PNISR: variants seen among roughly 807,000 people sequenced by gnomAD.
The protein encoded by PNISR is PNN interacting serine and arginine rich protein.
A neutral mutation model predicts 93.4 loss-of-function variants in PNISR; 20 were observed. That is an observed-to-expected ratio of 0.21 (90% CI 0.15 to 0.31). The LOEUF (loss-of-function observed/expected upper bound fraction) is 0.31, where lower values mean the gene tolerates loss of function less well. PNISR is among the 10% of genes least tolerant of loss of function. The pLI, the probability that PNISR is intolerant of heterozygous loss-of-function variation, is 1.00. For missense variants in PNISR, 893 were observed against 985.4 expected, an observed-to-expected ratio of 0.91 and a Z score of 1.25; for synonymous variants, 305 against 306.5, an observed-to-expected ratio of 0.99 and a Z score of 0.05.
At chr6:99,405,990 G>A (rs7744072) in intron 8 of PNISR, 41 bp downstream of exon 8, 1,432,612 of 1,442,166 alleles carry the variant, frequency 0.99, 712,094 homozygotes, top group East Asian at 1. Flanking sequence ...AATTGCAAAC[G>A]AAATAAATCC....
At chr6:99,423,239 A>G in intron 1 of PNISR, among the ~76,000 whole-genome samples, 1 of 152,212 alleles carries the variant, frequency 6.6e-6, no homozygotes, top group East Asian at 1.9e-4. Flanking sequence ...TTGAGCAACA[A>G]AATAAAGAAG....
At chr6:99,404,438 T>C (rs1398045070) in intron 9 of PNISR, 165 bp downstream of exon 9, 2 of 652,192 alleles carry the variant, frequency 3.1e-6, no homozygotes, top group East Asian at 2.9e-5. Flanking sequence ...AATATTTGTA[T>C]AGCTTTAATA....
intron 10 of PNISR, chr6:99,403,132 A>C (rs573050498): frequency 6.5e-6 from 1 of 152,782 alleles, no homozygotes; most frequent in South Asian, 2.1e-4. Context: ...AGAATACTAT[A>C]ATCTCCCTGG....
chr6:99,416,528 TC>T (rs1777724605), intron 1 of PNISR, 100 bp from the exon 2 acceptor site: 1 of 410,460 alleles, frequency 2.4e-6, no homozygotes, highest in East Asian at 3.6e-5. Flanking sequence ...TCCAAGTTAG[TC>T]ACTTTTCCTT....
At chr6:99,410,489 G>A (rs1402628335) in intron 5 of PNISR, 7 of 457,406 alleles carry the variant, frequency 1.5e-5, no homozygotes, top group Admixed American at 3.6e-5. Context: ...TATAGCTATT[G>A]CACTTATACA....
At chr6:99,418,448 A>T (rs938894183) in intron 1 of PNISR, among the ~76,000 whole-genome samples, 1 of 47,880 alleles carries the variant, frequency 2.1e-5, no homozygotes, top group East Asian at 8.0e-4. Context: ...AGCTTTTATT[A>T]AAAAAAAAAA....
In PNISR at chr6:99,399,551, T is replaced by G. The variant is rs1392931367; in HGVS notation, c.*989A>C. The G allele has an allele frequency of 6.6e-6, 1 of 152,148 alleles. No individual in the cohort carries two copies. The highest frequency in any genetic ancestry group is 1.5e-5 in the Non-Finnish European group (1 of 67,990). The allele number at this position is 152,148 out of a possible 1,614,324, so 9.4% of individuals were successfully genotyped here. On this transcript the variant is annotated 3_prime_UTR_variant, in exon 12 of 12. Transcript: ENST00000369239. ...GAAGTGGGTGACTGTAGAATATAGT[T>G]CCAGACTTGACTATTACTGTCAAAC... is the stretch of plus-strand genomic sequence containing the variant.
At chr6:99,404,119 G>A (rs1775846953) in intron 9 of PNISR, 3 of 489,072 alleles carry the variant, frequency 6.1e-6, no homozygotes. Flanking sequence ...ATATCTGTAT[G>A]TCTACTTCTG....
In PNISR at chr6:99,410,805, T is replaced by C. The variant is rs1318525219; in HGVS notation, c.437A>G (p.Asn146Ser). 6.2e-7 allele frequency: 1 copy of C among 1,614,126 alleles called. No individual in the cohort carries two copies. ...ATCGGGTGGTCCACCAAAGTTGTGATTGTTCTGGTTAAATATATGCCTGTT... is the reference window on the plus strand; with the variant it reads ...ATCGGGTGGTCCACCAAAGTTGTGACTGTTCTGGTTAAATATATGCCTGTT... ...PDNRHIFNQNNHNFGGPPDNF... is the reference protein window; with the variant it reads ...PDNRHIFNQNSHNFGGPPDNF... Residue 146 changes from asparagine to serine, a missense_variant, in exon 5 of 12, where the codon AAT becomes AGT. Around this residue, in one of 3 missense-constraint regions of PNISR, gnomAD observed 866 missense variants for 935.1 expected, o/e 0.93. Transcript: ENST00000369239.
At chr6:99,417,456 T>A (rs1777848213) in intron 1 of PNISR, among the ~76,000 whole-genome samples, 1 of 152,212 alleles carries the variant, frequency 6.6e-6, no homozygotes, top group East Asian at 1.9e-4. Flanking sequence ...GGTGTGAACA[T>A]AAGTAAATTA....
chr6:99,419,404 T>C (rs1335431373), intron 1 of PNISR, among the ~76,000 whole-genome samples: 1 of 152,080 alleles, frequency 6.6e-6, no homozygotes, highest in South Asian at 2.1e-4. Context: ...TTGATTCCTA[T>C]TCAGCCATTA....
intron 1 of PNISR, among the ~76,000 whole-genome samples, chr6:99,420,402 C>T (rs1015081135): frequency 2.0e-5 from 3 of 152,154 alleles, no homozygotes; most frequent in Non-Finnish European, 4.4e-5. Context: ...CTAGGAAATA[C>T]TTAAACTTTT....
chr6:99,405,253 T>C (rs1582778094), intron 8 of PNISR, among the ~76,000 whole-genome samples: 1 of 152,042 alleles, frequency 6.6e-6, no homozygotes, highest in South Asian at 2.1e-4. Context: ...TCACCTGAGG[T>C]CAGGTGTTCG....
At chr6:99,418,192 C>T (rs1043701992) in intron 1 of PNISR, among the ~76,000 whole-genome samples, 2 of 151,606 alleles carry the variant, frequency 1.3e-5, no homozygotes, top group African/African-American at 4.8e-5. Context: ...GGCTGGAGTG[C>T]AGTGGTGCAG....
intron 9 of PNISR, chr6:99,404,328 T>A (rs1328487907): frequency 2.3e-6 from 1 of 438,462 alleles, no homozygotes; most frequent in African/African-American, 2.0e-5. Flanking sequence ...TTAAAAAAAA[T>A]CAGGTGAAAT....
intron 9 of PNISR, 113 bp from the exon 10 acceptor site, chr6:99,403,995 G>T: frequency 1.5e-6 from 1 of 682,108 alleles, no homozygotes; most frequent in Non-Finnish European, 2.6e-6. Flanking sequence ...TTTGGGGAGA[G>T]AAGAAACATT....
chr6:99,416,426 G>A lies in PNISR; in HGVS notation c.-109C>T. ...GAAGCATAGCAGCAAGATTATGTAT[G>A]CCCTAGGGGGAAAAAAAGTAGATGT... On this transcript the variant is annotated splice_region_variant and 5_prime_UTR_variant, in exon 2 of 12. Transcript: ENST00000369239. 5 of 1,174,108 alleles carry A rather than the reference G, an allele frequency of 4.3e-6. No individual in the cohort carries two copies. The highest frequency in any genetic ancestry group is 5.3e-6 in the Non-Finnish European group (5 of 935,516). The allele number at this position is 1,174,108 out of a possible 1,614,324, so 72.7% of individuals were successfully genotyped here.
intron 9 of PNISR, chr6:99,404,391 T>C (rs11154824): frequency 0.14 from 78,480 of 550,844 alleles, 7,489 homozygotes; most frequent in Non-Finnish European, 0.18. Context: ...AACAGCATGA[T>C]TGCTAATTTG....
chr6:99,400,461 G>C lies in PNISR; in HGVS notation c.*79C>G, dbSNP rs771044899. 1 of 1,508,524 alleles carries C rather than the reference G, an allele frequency of 6.6e-7. No individual in the cohort carries two copies. The highest frequency in any genetic ancestry group is 8.8e-7 in the Non-Finnish European group (1 of 1,132,610). The allele number at this position is 1,508,524 out of a possible 1,614,324, so 93.4% of individuals were successfully genotyped here. On this transcript the variant is annotated 3_prime_UTR_variant, in exon 12 of 12. Transcript: ENST00000369239. ...TACCAAACTGAGTTTATTAAAGAGAGAGAGAAAGGACACTTTCAACTTTGA... is the reference window on the plus strand; with the variant it reads ...TACCAAACTGAGTTTATTAAAGAGACAGAGAAAGGACACTTTCAACTTTGA...
Sources: allele counts gnomAD v4.1 joint callset (sites outside exome capture counted in the v4.1 genomes callset), GRCh38; gene constraint gnomAD v4.1.1; regional missense constraint gnomAD v4.1.1; transcripts MANE v1.5; gene names NCBI Gene and HGNC (gene_info 2026-07-23, HGNC 2026-07-21).